Variants in LRFN2 observed in about 807,000 individuals in gnomAD.
LRFN2 encodes the protein leucine rich repeat and fibronectin type III domain containing 2.
LRFN2 carries 18 observed loss-of-function variants against 37.3 expected under a neutral mutation model. That is an observed-to-expected ratio of 0.48 (90% CI 0.33 to 0.72). LRFN2 has a LOEUF of 0.72. LRFN2 is among the 30% of genes least tolerant of loss of function. LRFN2 has a pLI of 0.02. For synonymous variants in LRFN2, 556 were observed against 466.6 expected (o/e 1.19, Z -2.47); for missense variants, 1,006 against 1,060.7 (o/e 0.95, Z 0.72).
rs1581670084 is a variant in LRFN2 at position 40,392,395 on chromosome 6, A to G, written c.1918T>C (p.Trp640Arg). 4 of 1,579,694 alleles carry G rather than the reference A, an allele frequency of 2.5e-6. No homozygotes were observed. Among genetic ancestry groups the G allele is most frequent in the East Asian group, 4.7e-5 (2 of 42,880 alleles). The change falls in exon 3 of 3, where the codon TGG (tryptophan) becomes CGG (arginine). Residue 640 changes from tryptophan (W) to arginine (R), a missense_variant. Transcript: ENST00000338305. The surrounding 1 kb of genome is among the most constrained non-coding windows in gnomAD (Gnocchi z 4.7). ...GEAAGLGRAP[W>R]RIPPSAPRPK... Reference sequence around the variant, plus strand: ...CGCGGGGCGGAGGGTGGGATCCTCCAGGGGGCCCGTCCCAGCCCCGCAGCC... The same window carrying G: ...CGCGGGGCGGAGGGTGGGATCCTCCGGGGGGCCCGTCCCAGCCCCGCAGCC...
chr6:40,464,411 G>T (rs907906411), intron 1 of LRFN2, among the ~76,000 whole-genome samples: 2 of 152,180 alleles, frequency 1.3e-5, no homozygotes, highest in Admixed American at 6.5e-5. Flanking sequence ...TGCTGTTATG[G>T]TGGAGTAGGT....
chr6:40,559,936 T>G (rs1218232849), intron 1 of LRFN2, among the ~76,000 whole-genome samples: 1 of 152,124 alleles, frequency 6.6e-6, no homozygotes, highest in Non-Finnish European at 1.5e-5. Context: ...CCAGGCACAG[T>G]CCTGACTTGG....
chr6:40,512,503 C>T (rs1765736748), intron 1 of LRFN2, among the ~76,000 whole-genome samples: 1 of 152,198 alleles, frequency 6.6e-6, no homozygotes, highest in South Asian at 2.1e-4. Context: ...ATCTCAGACA[C>T]ACCCTGATTG....
At chr6:40,519,245 C>A (rs1221127002) in intron 1 of LRFN2, among the ~76,000 whole-genome samples, 1 of 152,164 alleles carries the variant, frequency 6.6e-6, no homozygotes, top group Admixed American at 6.5e-5. Context: ...TTCTAAATCT[C>A]ATAACAACCC....
In LRFN2 at chr6:40,432,169, G is replaced by A; in HGVS notation, c.945C>T (p.Asp315=). 6.2e-7 allele frequency: 1 copy of A among 1,613,806 alleles called. No individual in the cohort carries two copies. The highest frequency in any genetic ancestry group is 8.5e-7 in the Non-Finnish European group (1 of 1,180,032). Residue 315 remains aspartate (D), a synonymous_variant, in exon 2 of 3, where the codon GAC becomes GAT. Coordinates refer to ENST00000338305, the MANE Select transcript of LRFN2 (RefSeq NM_020737.3). ...CTACCCAGTGGATAAGGGGGCTGGG[G>A]TCCCCAATGGCTTTGCACTTGAGTG... ...AATLKCKAIG[D]PSPLIHWVAP...
chr6:40,557,747 C>A (rs1038531026), intron 1 of LRFN2, among the ~76,000 whole-genome samples: 1 of 152,176 alleles, frequency 6.6e-6, no homozygotes. Flanking sequence ...TGTGACTTAG[C>A]CTTTCTGTGT....
intron 2 of LRFN2, among the ~76,000 whole-genome samples, chr6:40,420,510 G>C (rs2113813623): frequency 6.6e-6 from 1 of 152,354 alleles, no homozygotes; most frequent in East Asian, 1.9e-4. Flanking sequence ...CCACAAACTG[G>C]CTACTGGTTG....
chr6:40,579,069 A>G (rs1178526129), intron 1 of LRFN2, among the ~76,000 whole-genome samples: 1 of 152,204 alleles, frequency 6.6e-6, no homozygotes, highest in Non-Finnish European at 1.5e-5. Context: ...CCCAAGCATC[A>G]GGGATCTGCT....
chr6:40,482,919 G>C (rs542725279), intron 1 of LRFN2, among the ~76,000 whole-genome samples: 1 of 152,348 alleles, frequency 6.6e-6, no homozygotes, highest in Non-Finnish European at 1.5e-5. Flanking sequence ...GGCGCCTAAG[G>C]GGCTGTGCCC....
At chr6:40,453,162 T>C (rs2504830) in intron 1 of LRFN2, among the ~76,000 whole-genome samples, 140,637 of 152,200 alleles carry the variant, frequency 0.92, 65,993 homozygotes, top group Non-Finnish European at 1. Flanking sequence ...TAAAGTCTTT[T>C]CCTGTTGTGT....
intron 1 of LRFN2, among the ~76,000 whole-genome samples, chr6:40,504,389 A>C (rs1765472296): frequency 6.6e-6 from 1 of 152,226 alleles, no homozygotes; most frequent in African/African-American, 2.4e-5. Flanking sequence ...GGCTTAGCAC[A>C]GTGCCTGGCA....
At chr6:40,523,166 G>T (rs1174215079) in intron 1 of LRFN2, among the ~76,000 whole-genome samples, 1 of 152,144 alleles carries the variant, frequency 6.6e-6, no homozygotes, top group Non-Finnish European at 1.5e-5. Flanking sequence ...TGTGTCACTG[G>T]ACCAAATGAG....
At chr6:40,543,017 A>G (rs1010259655) in intron 1 of LRFN2, among the ~76,000 whole-genome samples, 6 of 152,228 alleles carry the variant, frequency 3.9e-5, no homozygotes, top group African/African-American at 1.2e-4. Flanking sequence ...TAGATGTTTC[A>G]TCTGCAAAAT....
intron 1 of LRFN2, 123 bp downstream of exon 1, chr6:40,586,818 G>A (rs1767512650): frequency 2.0e-5 from 3 of 152,322 alleles, no homozygotes; most frequent in African/African-American, 7.2e-5. Context: ...CTAGGATGCG[G>A]GGAGTCTTCA....
intron 1 of LRFN2, among the ~76,000 whole-genome samples, chr6:40,531,528 G>A (rs1282709882): frequency 6.6e-6 from 1 of 152,172 alleles, no homozygotes; most frequent in Non-Finnish European, 1.5e-5. Flanking sequence ...TTCTGAGAGT[G>A]TCTGTCTCCC....
At chr6:40,561,256 C>T (rs2113929908) in intron 1 of LRFN2, among the ~76,000 whole-genome samples, 1 of 152,320 alleles carries the variant, frequency 6.6e-6, no homozygotes, top group Admixed American at 6.5e-5. Flanking sequence ...AAAGACAGAG[C>T]TGTGTGGGGT....
chr6:40,473,022 C>T (rs80339673), intron 1 of LRFN2, among the ~76,000 whole-genome samples: 8,299 of 152,104 alleles, frequency 0.055, 263 homozygotes, highest in East Asian at 0.12. Flanking sequence ...GAACAGGGGA[C>T]ACAAAATACA....
chr6:40,506,031 G>T (rs1765525801), intron 1 of LRFN2, among the ~76,000 whole-genome samples: 1 of 152,258 alleles, frequency 6.6e-6, no homozygotes, highest in South Asian at 2.1e-4. Context: ...GGGCCCTCCA[G>T]TGAGGGGCCT....
At chr6:40,553,254 T>G (rs1766811544) in intron 1 of LRFN2, among the ~76,000 whole-genome samples, 1 of 152,210 alleles carries the variant, frequency 6.6e-6, no homozygotes, top group Non-Finnish European at 1.5e-5. Flanking sequence ...ATGGTAAATA[T>G]CAGCCAATGC....
Sources: gnomAD v4.1 joint callset for allele counts (sites outside exome capture counted in the v4.1 genomes callset) on GRCh38, gnomAD v4.1.1 for gene constraint, Gnocchi (gnomAD v3.1) non-coding constraint, MANE v1.5 for transcripts, NCBI Gene and HGNC (gene_info 2026-07-23, HGNC 2026-07-21) for gene names.